CEP295: variants seen among roughly 807,000 people sequenced by gnomAD.
CEP295 encodes centrosomal protein 295, also known as centrosomal protein of 295 kDa.
A neutral mutation model predicts 291.6 loss-of-function variants in CEP295; 190 were observed. That is an observed-to-expected ratio of 0.65 (90% CI 0.58 to 0.73). The LOEUF (loss-of-function observed/expected upper bound fraction) is 0.73. Ranked by LOEUF, CEP295 falls within the 30% of genes least tolerant of loss-of-function variation. The pLI, the probability that CEP295 is intolerant of heterozygous loss-of-function variation, is 0.00. For missense variants in CEP295, 2,863 were observed against 2,949.4 expected (o/e 0.97, Z 0.68); for synonymous variants, 993 against 1,038.8 (o/e 0.96, Z 0.85).
intron 1 of CEP295, among the ~76,000 whole-genome samples, chr11:93,666,091 A>G (rs1395934811): frequency 6.6e-6 from 1 of 152,222 alleles, no homozygotes; most frequent in East Asian, 1.9e-4. Flanking sequence ...AGGTCCAGAT[A>G]CTCGAGGTAG....
At chr11:93,692,641 G>A (rs1233570677) in intron 12 of CEP295, among the ~76,000 whole-genome samples, 1 of 151,356 alleles carries the variant, frequency 6.6e-6, no homozygotes, top group Non-Finnish European at 1.5e-5. Flanking sequence ...TTTTTTCCTA[G>A]TAGAGATGAC....
chr11:93,672,629 G>A (rs1467215578), intron 5 of CEP295, among the ~76,000 whole-genome samples: 2 of 152,088 alleles, frequency 1.3e-5, no homozygotes, highest in Non-Finnish European at 2.9e-5. Flanking sequence ...CCAGTGTCAG[G>A]TACTCCAGAG....
At chr11:93,680,239 A>G (rs1415561379) in intron 7 of CEP295, among the ~76,000 whole-genome samples, 1 of 152,098 alleles carries the variant, frequency 6.6e-6, no homozygotes, top group African/African-American at 2.4e-5. Context: ...ATCACACCAT[A>G]CCACTGCACG....
intron 25 of CEP295, 141 bp from the exon 26 acceptor site, chr11:93,729,293 T>G: frequency 1.6e-6 from 1 of 637,600 alleles, no homozygotes; most frequent in Non-Finnish European, 2.8e-6. Context: ...AAATCAGGCA[T>G]GGTGGCGGGT....
At chr11:93,706,300 T>C (rs1565196760) in intron 17 of CEP295, among the ~76,000 whole-genome samples, 1 of 152,192 alleles carries the variant, frequency 6.6e-6, no homozygotes, top group African/African-American at 2.4e-5. Context: ...GCACAAATCA[T>C]GTTTGTTTCA....
intron 6 of CEP295, among the ~76,000 whole-genome samples, chr11:93,679,138 C>A (rs916049788): frequency 1.3e-5 from 2 of 152,174 alleles, no homozygotes; most frequent in African/African-American, 4.8e-5. Flanking sequence ...CCACCACGCC[C>A]AGCAAGAGAT....
Position 93,722,065 on chromosome 11 carries a change from A to G in CEP295, c.5947+15A>G, listed in dbSNP as rs1953773174. ...TACAGATCCAGGTAATAAGGTCAAA[A>G]TGTTTATAAATAAGTTGAAAGACCG... is the stretch of plus-strand genomic sequence containing the variant. On this transcript the variant is annotated intron_variant, in intron 20 of 29. Transcript: ENST00000325212. The G allele has an allele frequency of 2.1e-6, 3 of 1,450,328 alleles. No homozygotes were observed. The highest frequency in any genetic ancestry group is 1.2e-5 in the South Asian group (1 of 81,804). 89.8% of individuals were successfully genotyped at this position (1,450,328 alleles called of 1,614,324 possible).
intron 10 of CEP295, among the ~76,000 whole-genome samples, chr11:93,691,035 T>C (rs1314165632): frequency 6.6e-6 from 1 of 152,234 alleles, no homozygotes; most frequent in African/African-American, 2.4e-5. Context: ...TATACTCTAT[T>C]GTATAACCCT....
chr11:93,668,210 T>C (rs1279799161), intron 3 of CEP295, among the ~76,000 whole-genome samples: 1 of 152,152 alleles, frequency 6.6e-6, no homozygotes, highest in Non-Finnish European at 1.5e-5. Context: ...GCCCCATTAT[T>C]TTGATTTATT....
chr11:93,725,871 AT>A (rs1261376694), intron 23 of CEP295, 40 bp downstream of exon 23: 5 of 1,491,882 alleles, frequency 3.4e-6, no homozygotes, highest in African/African-American at 2.8e-5. Context: ...TTTTTCCATG[AT>A]TTTTTACATC....
At chr11:93,720,817 G>A (rs1254581242) in intron 18 of CEP295, among the ~76,000 whole-genome samples, 1 of 152,008 alleles carries the variant, frequency 6.6e-6, no homozygotes, top group African/African-American at 2.4e-5. Context: ...GGCTGGTCTC[G>A]AACTCCTGCA....
At position 93,727,189 on chromosome 11, in the gene CEP295, T is replaced by G; in HGVS notation, c.6713T>G (p.Val2238Gly). ...CTTTCTATAGGAAACTTAAGTTCAG[T>G]CTACAGTTCATCTGATGAAGCTAAT... is the stretch of plus-strand genomic sequence containing the variant. ...FQLSIGNLSSVYSSSDEANVF... is the reference protein window; with the variant it reads ...FQLSIGNLSSGYSSSDEANVF... The change falls in exon 24 of 30, where the codon GTC (valine) becomes GGC (glycine). Residue 2238 changes from valine (V) to glycine (G), a missense_variant. Val to Gly is a moderately radical substitution (Grantham distance 109). This residue lies in a region of CEP295 where 2,295 missense variants were observed against 2,335.7 expected (regional missense o/e 0.98). Transcript: ENST00000325212. 6.4e-7 allele frequency: 1 copy of G among 1,551,236 alleles called. No homozygotes were observed. Among genetic ancestry groups the G allele is most frequent in the Non-Finnish European group, 8.7e-7 (1 of 1,146,738 alleles).
intron 18 of CEP295, among the ~76,000 whole-genome samples, chr11:93,710,569 A>G (rs1347762456): frequency 2.0e-5 from 3 of 152,160 alleles, no homozygotes; most frequent in Non-Finnish European, 4.4e-5. Flanking sequence ...ATTAACTTGT[A>G]AATTTTATTT....
chr11:93,697,141 AAT>A lies in CEP295; in HGVS notation c.2232_2233del (p.Ser745ThrfsTer4), dbSNP rs1565179570. The A allele has an allele frequency of 6.4e-7, 1 of 1,551,926 alleles. No individual in the cohort carries two copies. The highest frequency in any genetic ancestry group is 2.4e-5 in the East Asian group (1 of 40,916). On this transcript the variant is annotated frameshift_variant, in exon 15 of 30. Coordinates refer to ENST00000325212, the MANE Select transcript of CEP295 (RefSeq NM_033395.2). LOFTEE classifies it high-confidence loss of function. ...SRALSHDRQL[I>X]SQDARKISET... ...GGGCTTTGTCACATGACAGGCAGCT[AAT>A]ATCACAGGATGCTAGAAAAATATCT...
chr11:93,670,843 G>A (rs564357175), intron 5 of CEP295, among the ~76,000 whole-genome samples: 6 of 152,094 alleles, frequency 3.9e-5, no homozygotes, highest in Non-Finnish European at 8.8e-5. Flanking sequence ...CTCTGTAAGT[G>A]CTTTGACAAG....
Position 93,698,600 on chromosome 11 carries a change from C to T in CEP295, c.3688C>T (p.Pro1230Ser). The change falls in exon 15 of 30, where the codon CCC becomes TCC. Residue 1230 changes from proline (P) to serine (S), a missense_variant. Transcript: ENST00000325212. ...ATCAATCAAGAGTGACAGTACCATT[C>T]CCTTAAGCCATCCTAAGATCCCAAG... is the stretch of plus-strand genomic sequence containing the variant. ...CISIKSDSTI[P>S]LSHPKIPRCQ... 1 of 1,551,860 alleles carries T rather than the reference C, an allele frequency of 6.4e-7. No homozygotes were observed. The highest frequency in any genetic ancestry group is 2.0e-5 in the Admixed American group (1 of 51,010).
At chr11:93,703,875 TCTC>T (rs1406179388) in intron 17 of CEP295, among the ~76,000 whole-genome samples, 8 of 151,430 alleles carry the variant, frequency 5.3e-5, no homozygotes, top group African/African-American at 1.7e-4. Flanking sequence ...TTCACGCCAT[TCTC>T]CTGCCTCAGC....
chr11:93,700,130 C>T lies in CEP295; in HGVS notation c.5218C>T (p.Gln1740Ter). 1 of 1,551,444 alleles carries T rather than the reference C, an allele frequency of 6.4e-7. No individual in the cohort carries two copies. The highest frequency in any genetic ancestry group is 8.7e-7 in the Non-Finnish European group (1 of 1,146,832). Residue 1740 changes from glutamine to a stop codon, truncating the protein, a stop_gained, in exon 15 of 30, where the codon CAG (glutamine) becomes TAG (stop). Transcript: ENST00000325212. LOFTEE classifies it high-confidence loss of function. ...GCTTGTACAGAGACAAACAGCATTG[C>T]AGCAGCAGATACAGAAACATGAAGA... is the stretch of plus-strand genomic sequence containing the variant. ...KLLVQRQTAL[Q>*]QQIQKHEETL... is the part of the protein sequence containing the mutation.
intron 9 of CEP295, among the ~76,000 whole-genome samples, chr11:93,685,453 A>G (rs1242668245): frequency 6.6e-6 from 1 of 152,180 alleles, no homozygotes; most frequent in Non-Finnish European, 1.5e-5. Context: ...TAGACTCCTC[A>G]AGTGAGGGCT....
Sources: allele counts gnomAD v4.1 joint callset (sites outside exome capture counted in the v4.1 genomes callset), GRCh38; gene constraint gnomAD v4.1.1; regional missense constraint gnomAD v4.1.1; transcripts MANE v1.5; gene names NCBI Gene and HGNC (gene_info 2026-07-23, HGNC 2026-07-21).